Variants in CEMIP observed in about 807,000 individuals in gnomAD.
CEMIP encodes the protein cell migration inducing hyaluronidase 1.
CEMIP carries 105 observed loss-of-function variants against 156.9 expected under a neutral mutation model. The observed-to-expected ratio is 0.67, with a 90% CI of 0.57 to 0.79. CEMIP has a LOEUF of 0.79. CEMIP is among the 30% of genes least tolerant of loss of function. The probability of loss-of-function intolerance (pLI) is 0.00; values close to 1 mark genes in which losing one functional copy is unlikely to be tolerated. For missense variants in CEMIP, 1,457 were observed against 1,769.4 expected, an observed-to-expected ratio of 0.82 and a Z score of 3.17; for synonymous variants, 676 against 668.4, an observed-to-expected ratio of 1.01 and a Z score of -0.17.
chr15:80,901,037 T>C, intron 12 of CEMIP: 1 of 451,684 alleles, frequency 2.2e-6, no homozygotes, highest in East Asian at 7.0e-5. Flanking sequence ...TTTCAAAATT[T>C]TGTCAACCAC....
chr15:80,889,095 T>A (rs1378411765), intron 9 of CEMIP, among the ~76,000 whole-genome samples: 1 of 152,190 alleles, frequency 6.6e-6, no homozygotes, highest in East Asian at 1.9e-4. Context: ...GAACAGGAAA[T>A]GCAGATAGGA....
chr15:80,878,327 G>C (rs1353759126), intron 3 of CEMIP, among the ~76,000 whole-genome samples: 1 of 152,222 alleles, frequency 6.6e-6, no homozygotes, highest in African/African-American at 2.4e-5. Context: ...GAAAGGGAAA[G>C]AGCTTCATTA....
chr15:80,792,672 G>C (rs1402978110), intron 1 of CEMIP, among the ~76,000 whole-genome samples: 1 of 152,216 alleles, frequency 6.6e-6, no homozygotes, highest in East Asian at 1.9e-4. Flanking sequence ...AGATGGCCAT[G>C]CTGTGACTTT....
In CEMIP at chr15:80,907,894, C is replaced by T. The variant is rs185608475; in HGVS notation, c.1587+1056C>T. Among the ~76,000 whole-genome samples the T allele has an allele frequency of 3.7e-3, 560 of 152,304 alleles. 2 individuals are homozygous for T. The highest frequency in any genetic ancestry group is 0.013 in the African/African-American group (531 of 41,560). ...GACAGTTCTCGTAAAGCTAATATCA[C>T]GCACTTTAAGGATAAGACTTTTTGG... On this transcript the variant is annotated intron_variant, in intron 13 of 29. Coordinates refer to ENST00000394685, the MANE Select transcript of CEMIP (RefSeq NM_001293298.2).
chr15:80,815,306 CT>C lies in CEMIP; in HGVS notation c.-176+35693del, dbSNP rs1389712446. On this transcript the variant is annotated intron_variant, in intron 1 of 29. Transcript: ENST00000394685. ...GGCCTGCCTGGCCCAATTCCCAGTG[CT>C]GTGGTGAAGACCAGATGAGCAACGC... Among the ~76,000 whole-genome samples, 4 of 152,344 alleles carry C rather than the reference CT, an allele frequency of 2.6e-5. No homozygotes were observed. In the East Asian group the frequency reaches 7.7e-4, roughly 29 times the overall value.
rs1900624628 is a variant in CEMIP at position 80,925,528 on chromosome 15, C to G, written c.2289-96C>G. On this transcript the variant is annotated intron_variant, in intron 18 of 29. Coordinates refer to ENST00000394685, the MANE Select transcript of CEMIP (RefSeq NM_001293298.2). The stretch of plus-strand genomic sequence containing the variant: ...TGTTCAGTCAATGCCTTCCTGGGCA[C>G]TGTGAGTAGAGAGAGGCTCACAGAG... The G allele has an allele frequency of 2.6e-6, 4 of 1,540,564 alleles. No homozygotes were observed. In the East Asian group the frequency reaches 9.2e-5, roughly 35 times the overall value.
In CEMIP at chr15:80,942,331, C is replaced by T; in HGVS notation, c.3693C>T (p.Tyr1231=). 6.2e-7 allele frequency: 1 copy of T among 1,613,052 alleles called. No homozygotes were observed. Reference sequence around the variant, plus strand: ...TCCACCTCTGGAACGACTTCGCTTACATTGAAGTAAGTGCCTCTGGCCCCT... The same window carrying T: ...TCCACCTCTGGAACGACTTCGCTTATATTGAAGTAAGTGCCTCTGGCCCCT... ...HFFHLWNDFA[Y]IEVDGKKYPS... is the part of the protein sequence containing the mutation. Residue 1231 remains tyrosine, a synonymous_variant, in exon 27 of 30, where the codon TAC becomes TAT. Transcript: ENST00000394685.
At chr15:80,917,581 G>A (rs1038307303) in intron 14 of CEMIP, among the ~76,000 whole-genome samples, 5 of 152,164 alleles carry the variant, frequency 3.3e-5, no homozygotes, top group African/African-American at 1.2e-4. Flanking sequence ...GATATTGATT[G>A]ACTTATTAAA....
chr15:80,926,819 T>TTGGG (rs1555436824), intron 19 of CEMIP, among the ~76,000 whole-genome samples: 1 of 23,302 alleles, frequency 4.3e-5, no homozygotes, highest in Admixed American at 6.3e-4. Flanking sequence ...ACTGAGCGGG[T>TTGGG]GGGGGGGGGG....
intron 1 of CEMIP, among the ~76,000 whole-genome samples, chr15:80,856,384 A>G (rs1897853126): frequency 6.6e-6 from 1 of 152,368 alleles, no homozygotes; most frequent in East Asian, 1.9e-4. Flanking sequence ...AAATGCATCC[A>G]AAGACTGAGA....
chr15:80,918,522 C>T (rs115295284), intron 14 of CEMIP, among the ~76,000 whole-genome samples: 2,830 of 152,208 alleles, frequency 0.019, 87 homozygotes, highest in African/African-American at 0.065. Context: ...TCACACAGTG[C>T]CAGGGTGGTA....
chr15:80,931,311 C>G (rs902640748), intron 21 of CEMIP, among the ~76,000 whole-genome samples: 7 of 152,168 alleles, frequency 4.6e-5, no homozygotes, highest in Admixed American at 2.6e-4. Context: ...TTTCCCAAAC[C>G]CAGCACACTG....
At chr15:80,842,131 A>G (rs1897437959) in intron 1 of CEMIP, 2 of 511,538 alleles carry the variant, frequency 3.9e-6, no homozygotes, top group Admixed American at 4.5e-5. Context: ...CTCTTGGAAT[A>G]GAAACACGTT....
intron 1 of CEMIP, among the ~76,000 whole-genome samples, chr15:80,803,650 C>T (rs761920663): frequency 2.7e-4 from 41 of 152,238 alleles, no homozygotes; most frequent in Non-Finnish European, 1.0e-4. Context: ...CTAGACCATC[C>T]AGATTATCTA....
At chr15:80,870,147 G>A (rs1252477514) in intron 1 of CEMIP, among the ~76,000 whole-genome samples, 1 of 152,202 alleles carries the variant, frequency 6.6e-6, no homozygotes, top group Non-Finnish European at 1.5e-5. Flanking sequence ...AGACTCTGGA[G>A]CCCATGCTCC....
chr15:80,900,498 C>A (rs972805190), intron 12 of CEMIP, among the ~76,000 whole-genome samples: 1 of 151,924 alleles, frequency 6.6e-6, no homozygotes, highest in East Asian at 1.9e-4. Flanking sequence ...CTCGGAGCAG[C>A]CACCTCCTTT....
intron 17 of CEMIP, among the ~76,000 whole-genome samples, chr15:80,924,360 CA>C (rs1900577804): frequency 6.6e-6 from 1 of 152,200 alleles, no homozygotes; most frequent in South Asian, 2.1e-4. Flanking sequence ...TGGCCTTGGA[CA>C]ACATACATAA....
intron 1 of CEMIP, among the ~76,000 whole-genome samples, chr15:80,842,503 G>A (rs1342452020): frequency 2.0e-5 from 3 of 152,076 alleles, no homozygotes; most frequent in Non-Finnish European, 4.4e-5. Flanking sequence ...AGGCTGAGGC[G>A]GGTGGATCAC....
intron 25 of CEMIP, among the ~76,000 whole-genome samples, chr15:80,940,746 A>T (rs1297783436): frequency 6.6e-6 from 1 of 152,214 alleles, no homozygotes; most frequent in African/African-American, 2.4e-5. Flanking sequence ...GCTGGGCCTC[A>T]TGGGCTCAGG....
Sources: allele counts gnomAD v4.1 joint callset (sites outside exome capture counted in the v4.1 genomes callset), GRCh38; gene constraint gnomAD v4.1.1; transcripts MANE v1.5; gene names NCBI Gene and HGNC (gene_info 2026-07-23, HGNC 2026-07-21).